The following GAPVD1 variants were observed in gnomAD, a reference collection of about 807,000 sequenced individuals.
GAPVD1 encodes GTPase activating protein and VPS9 domains 1, also known as GTPase-activating protein and VPS9 domain-containing protein 1.
GAPVD1 carries 35 observed loss-of-function variants against 155.5 expected under a neutral mutation model. The observed-to-expected ratio is 0.23, with a 90% CI of 0.17 to 0.30. GAPVD1 has a LOEUF of 0.30. GAPVD1 is among the 10% of genes least tolerant of loss of function. The pLI is 1.00. For missense variants in GAPVD1, 1,429 were observed against 1,775.7 expected (o/e 0.80, Z 3.51); for synonymous variants, 636 against 619.7 (o/e 1.03, Z -0.39).
chr9:125,276,506 T>A (rs1835812983), intron 2 of GAPVD1, among the ~76,000 whole-genome samples: 1 of 152,108 alleles, frequency 6.6e-6, no homozygotes, highest in South Asian at 2.1e-4. Context: ...CTGAGCAACA[T>A]GGTGAAACCC....
intron 2 of GAPVD1, among the ~76,000 whole-genome samples, chr9:125,272,258 G>A (rs1451112625): frequency 2.0e-5 from 3 of 152,042 alleles, no homozygotes; most frequent in African/African-American, 4.8e-5. Context: ...TCCTGACCTC[G>A]TGATCCACCC....
intron 1 of GAPVD1, among the ~76,000 whole-genome samples, chr9:125,264,899 G>A (rs1430409042): frequency 6.6e-6 from 1 of 151,754 alleles, no homozygotes; most frequent in Non-Finnish European, 1.5e-5. Context: ...TGTATTTTTA[G>A]TAGAAACGGG....
chr9:125,334,392 G>C (rs1022116072), intron 15 of GAPVD1, among the ~76,000 whole-genome samples: 13 of 151,926 alleles, frequency 8.6e-5, no homozygotes, highest in African/African-American at 3.1e-4. Flanking sequence ...GAAGAAATAG[G>C]AAGCACCCAT....
At chr9:125,293,625 A>G (rs1352413820) in intron 2 of GAPVD1, among the ~76,000 whole-genome samples, 1 of 131,256 alleles carries the variant, frequency 7.6e-6, no homozygotes, top group African/African-American at 2.8e-5. Flanking sequence ...AATTTTATAT[A>G]TATTATATAT....
intron 23 of GAPVD1, among the ~76,000 whole-genome samples, chr9:125,353,168 T>A (rs916870921): frequency 2.6e-5 from 4 of 152,168 alleles, no homozygotes; most frequent in Non-Finnish European, 5.9e-5. Context: ...AATGCTTTGC[T>A]GCTTAGAAAT....
chr9:125,326,435 T>C lies in GAPVD1; in HGVS notation c.1878T>C (p.Leu626=), dbSNP rs1845188728. ...EHEQATTQDN[L]DDKLRKFEIR... Reference sequence around the variant, plus strand: ...TGATAGCTACAACACAGGATAACCTTGATGATAAGCTAAGGAAGTTTGAAA... The same window carrying C: ...TGATAGCTACAACACAGGATAACCTCGATGATAAGCTAAGGAAGTTTGAAA... Residue 626 remains leucine (L), a synonymous_variant, in exon 12 of 28, where the codon CTT becomes CTC. Coordinates refer to ENST00000297933, the MANE Select transcript of GAPVD1 (RefSeq NM_001282680.3). The C allele has an allele frequency of 6.2e-7, 1 of 1,612,284 alleles. No individual in the cohort carries two copies.
intron 19 of GAPVD1, among the ~76,000 whole-genome samples, chr9:125,342,691 C>T (rs949110591): frequency 2.0e-5 from 3 of 152,122 alleles, no homozygotes; most frequent in African/African-American, 4.8e-5. Flanking sequence ...TAACATTGAT[C>T]GTAGAATTCT....
chr9:125,299,002 T>C lies in GAPVD1; in HGVS notation c.81T>C (p.Ile27=). The C allele has an allele frequency of 6.2e-7, 1 of 1,611,516 alleles. No homozygotes were observed. The highest frequency in any genetic ancestry group is 1.3e-5 in the African/African-American group (1 of 75,006). Residue 27 remains isoleucine, a synonymous_variant, in exon 4 of 28, where the codon ATT becomes ATC. Coordinates refer to ENST00000297933, the MANE Select transcript of GAPVD1 (RefSeq NM_001282680.3). ...RLYVNSEKQL[I]QRLNADVLKT... ...ATGTAAACTCTGAGAAACAGCTCAT[T>C]CAGAGGCTCAATGCAGATGTACTTA...
chr9:125,275,629 G>A (rs1025559674), intron 2 of GAPVD1, among the ~76,000 whole-genome samples: 5 of 152,082 alleles, frequency 3.3e-5, no homozygotes, highest in Non-Finnish European at 7.4e-5. Flanking sequence ...CATACGTGTA[G>A]TCCCAGCTGC....
chr9:125,266,147 G>T (rs1833917059), intron 1 of GAPVD1, among the ~76,000 whole-genome samples: 2 of 147,838 alleles, frequency 1.4e-5, no homozygotes, highest in Admixed American at 1.3e-4. Context: ...TTTTTTTGAG[G>T]TGGAGTTTTG....
chr9:125,277,886 T>G (rs1228998755), intron 2 of GAPVD1, among the ~76,000 whole-genome samples: 1 of 152,082 alleles, frequency 6.6e-6, no homozygotes, highest in East Asian at 1.9e-4. Flanking sequence ...CAGGCTGGTC[T>G]TGAACTACTG....
rs1846466146 is a variant in GAPVD1, at chr9:125,333,833, G to GT, written c.2428+1210dup. 2.0e-5 allele frequency among the ~76,000 whole-genome samples: 3 copies of GT among 152,196 alleles called. No individual in the cohort carries two copies. The East Asian group carries it at 5.8e-4, about 29-fold the overall frequency. ...CAATTTTTTTTTGTTCTAAACCAGG[G>GT]TTTTTTAACCTTAACACCATTGACA... On this transcript the variant is annotated intron_variant, in intron 15 of 27. Coordinates refer to ENST00000297933, the MANE Select transcript of GAPVD1 (RefSeq NM_001282680.3).
At chr9:125,292,860 G>C (rs1261135040) in intron 2 of GAPVD1, among the ~76,000 whole-genome samples, 2 of 152,180 alleles carry the variant, frequency 1.3e-5, no homozygotes, top group Non-Finnish European at 2.9e-5. Context: ...AGGCTCTCCT[G>C]ACTTCTGCAG....
chr9:125,284,458 G>A (rs1837311869), intron 2 of GAPVD1, among the ~76,000 whole-genome samples: 2 of 151,464 alleles, frequency 1.3e-5, no homozygotes, highest in Admixed American at 6.6e-5. Flanking sequence ...GATTACAGGC[G>A]TGAGCCACCG....
At chr9:125,308,124 T>G (rs1028974545) in intron 8 of GAPVD1, 2 of 553,124 alleles carry the variant, frequency 3.6e-6, no homozygotes, top group Non-Finnish European at 6.3e-6. Context: ...TATACTTTCT[T>G]TAAATTTTAT....
Position 125,312,722 on chromosome 9 carries a change from C to G in GAPVD1, c.1602+110C>G, listed in dbSNP as rs1368487976. ...TTATAAACAACAGATATTTATTTCT[C>G]ACATTTGTAGAGGCCAGGAAGTCTA... On this transcript the variant is annotated intron_variant, in intron 9 of 27. Transcript: ENST00000297933. 13 of 747,502 alleles carry G rather than the reference C, an allele frequency of 1.7e-5. No individual in the cohort carries two copies. The South Asian group carries it at 2.8e-4, about 16-fold the overall frequency. 46.3% of individuals were successfully genotyped at this position (747,502 alleles called of 1,614,324 possible).
Position 125,316,349 on chromosome 9 carries a change from G to A in GAPVD1, c.1602+3737G>A, listed in dbSNP as rs1359438298. ...CCCTAACCCCCTACCCCTGCGACAG[G>A]CCCCAGTGTATGATGTTCCCCTCCC... is the stretch of plus-strand genomic sequence containing the variant. On this transcript the variant is annotated intron_variant, in intron 9 of 27. Transcript: ENST00000297933. Among the ~76,000 whole-genome samples the A allele has an allele frequency of 2.0e-5, 3 of 152,008 alleles. No homozygotes were observed. In the East Asian group the frequency reaches 5.8e-4, roughly 29 times the overall value.
At chr9:125,317,522 G>C (rs1332062718) in intron 9 of GAPVD1, among the ~76,000 whole-genome samples, 1 of 151,640 alleles carries the variant, frequency 6.6e-6, no homozygotes, top group Non-Finnish European at 1.5e-5. Context: ...TTACTCGGGA[G>C]GCTGAGGTAG....
In GAPVD1 at chr9:125,265,311, C is replaced by G. The variant is rs530544824; in HGVS notation, c.-199+3352C>G. On this transcript the variant is annotated intron_variant, in intron 1 of 27. Coordinates refer to ENST00000297933, the MANE Select transcript of GAPVD1 (RefSeq NM_001282680.3). ...TGAAACAAGGTCTTGCTGCATTGCCCAGGCTGGACTTGAACTCCTGGACTT... is the reference window on the plus strand; with the variant it reads ...TGAAACAAGGTCTTGCTGCATTGCCGAGGCTGGACTTGAACTCCTGGACTT... Among the ~76,000 whole-genome samples, 8 of 152,072 alleles carry G rather than the reference C, an allele frequency of 5.3e-5. No individual in the cohort carries two copies. In the South Asian group the frequency reaches 1.7e-3, roughly 31 times the overall value.
Sources: gnomAD v4.1 joint callset for allele counts (sites outside exome capture counted in the v4.1 genomes callset) on GRCh38, gnomAD v4.1.1 for gene constraint, MANE v1.5 for transcripts, NCBI Gene and HGNC (gene_info 2026-07-23, HGNC 2026-07-21) for gene names.